KCNC1: variants seen among roughly 807,000 people sequenced by gnomAD.
KCNC1 encodes the protein potassium voltage-gated channel subfamily C member 1.
Under a neutral mutation model 43.4 loss-of-function variants are expected in KCNC1, and 8 were observed. That is an observed-to-expected ratio of 0.18 (90% CI 0.11 to 0.33). KCNC1 has a LOEUF of 0.33. Ranked by LOEUF, KCNC1 falls within the 10% of genes least tolerant of loss-of-function variation. The pLI, the probability that KCNC1 is intolerant of heterozygous loss-of-function variation, is 1.00. For missense variants in KCNC1, 420 were observed against 836.0 expected (o/e 0.50, Z 6.14); for synonymous variants, 361 against 360.5 (o/e 1.00, Z -0.01).
chr11:17,736,104 C>G lies in KCNC1; in HGVS notation c.102C>G (p.Leu34=). 6.2e-7 allele frequency: 1 copy of G among 1,609,690 alleles called. No homozygotes were observed. The highest frequency in any genetic ancestry group is 1.7e-5 in the Admixed American group (1 of 59,852). ...TGCGCACGCTGCCCGGCACGCGGCT[C>G]GCCTGGCTGGCGGAGCCCGACGCCC... ...STLRTLPGTR[L]AWLAEPDAHS... The change falls in exon 1 of 4, where the codon CTC becomes CTG. Residue 34 remains leucine, a synonymous_variant. Transcript: ENST00000265969. This position sits in a 1 kb window ranked among gnomAD's most constrained non-coding sequence, Gnocchi z 9.3.
intron 1 of KCNC1, among the ~76,000 whole-genome samples, chr11:17,746,515 C>T (rs541332025): frequency 1.3e-5 from 2 of 152,250 alleles, no homozygotes; most frequent in African/African-American, 4.8e-5. Flanking sequence ...CTCTCCTTCC[C>T]CATCTCCTTC....
At chr11:17,745,180 A>G (rs1848883516) in intron 1 of KCNC1, among the ~76,000 whole-genome samples, 1 of 152,146 alleles carries the variant, frequency 6.6e-6, no homozygotes, top group African/African-American at 2.4e-5. Context: ...CAGCCTCAGG[A>G]CACAGAGGGC....
In KCNC1 at chr11:17,736,119, G is replaced by T; in HGVS notation, c.117G>T (p.Glu39Asp). ...LPGTRLAWLA[E>D]PDAHSHFDYD... ...GCACGCGGCTCGCCTGGCTGGCGGAGCCCGACGCCCACAGCCACTTCGACT... is the reference window on the plus strand; with the variant it reads ...GCACGCGGCTCGCCTGGCTGGCGGATCCCGACGCCCACAGCCACTTCGACT... Residue 39 changes from glutamate to aspartate, a missense_variant, in exon 1 of 4, where the codon GAG (glutamate) becomes GAT (aspartate). By Grantham distance (45) the Glu-to-Asp change is conservative. Transcript: ENST00000265969. This position sits in a 1 kb window ranked among gnomAD's most constrained non-coding sequence, Gnocchi z 9.3. 5 of 1,610,726 alleles carry T rather than the reference G, an allele frequency of 3.1e-6. No homozygotes were observed. Among genetic ancestry groups the T allele is most frequent in the Non-Finnish European group, 4.2e-6 (5 of 1,178,920 alleles).
intron 2 of KCNC1, chr11:17,772,894 A>G (rs1184042741): frequency 1.6e-6 from 2 of 1,264,100 alleles, no homozygotes; most frequent in African/African-American, 1.5e-5. Context: ...CTAACTTAGC[A>G]GGAGCCAGGG....
At chr11:17,761,644 T>G (rs1849079917) in intron 1 of KCNC1, among the ~76,000 whole-genome samples, 1 of 152,214 alleles carries the variant, frequency 6.6e-6, no homozygotes, top group Admixed American at 6.5e-5. Flanking sequence ...CCAGGCCTCC[T>G]TTCCTTCCAC....
chr11:17,779,722 G>A lies in KCNC1; in HGVS notation c.1693+78G>A. On this transcript the variant is annotated intron_variant, in intron 3 of 3. Coordinates refer to ENST00000265969, the MANE Select transcript of KCNC1 (RefSeq NM_001112741.2). This position sits in a 1 kb window ranked among gnomAD's most constrained non-coding sequence, Gnocchi z 7.2. ...TGCAGATGGGTGGGCAGGGCGGCGG[G>A]CAAGGGCGCTGAGGGGCAGGCAGGC... The A allele has an allele frequency of 8.2e-7, 1 of 1,225,598 alleles. No homozygotes were observed. Among genetic ancestry groups the A allele is most frequent in the Non-Finnish European group, 1.1e-6 (1 of 924,698 alleles). 75.9% of individuals were successfully genotyped at this position (1,225,598 alleles called of 1,614,324 possible).
At chr11:17,738,795 G>A (rs1487132550) in intron 1 of KCNC1, among the ~76,000 whole-genome samples, 1 of 152,216 alleles carries the variant, frequency 6.6e-6, no homozygotes, top group Admixed American at 6.5e-5. Context: ...AAAGCTGGGC[G>A]CCCGGTGGTC....
chr11:17,779,300 T>C lies in KCNC1; in HGVS notation c.1505-156T>C, dbSNP rs1409312068. 1 of 567,102 alleles carries C rather than the reference T, an allele frequency of 1.8e-6. No homozygotes were observed. The highest frequency in any genetic ancestry group is 3.5e-5 in the Admixed American group (1 of 28,598). The allele number at this position is 567,102 out of a possible 1,614,324, so 35.1% of individuals were successfully genotyped here. Reference sequence around the variant, plus strand: ...GAGCTGAACCCCCCACCAAGCCCCCTGCCTTGTGCCCTCCTCGCTCCACAG... The same window carrying C: ...GAGCTGAACCCCCCACCAAGCCCCCCGCCTTGTGCCCTCCTCGCTCCACAG... On this transcript the variant is annotated intron_variant, in intron 2 of 3. Coordinates refer to ENST00000265969, the MANE Select transcript of KCNC1 (RefSeq NM_001112741.2). The surrounding 1 kb of genome is among the most constrained non-coding windows in gnomAD (Gnocchi z 7.2).
chr11:17,762,997 C>CA (rs919177746), intron 1 of KCNC1, among the ~76,000 whole-genome samples: 1 of 149,896 alleles, frequency 6.7e-6, no homozygotes, highest in Non-Finnish European at 1.5e-5. Context: ...TTTCAACTTC[C>CA]AAAAAAAAGA....
chr11:17,742,864 A>G lies in KCNC1; in HGVS notation c.570+6292A>G, dbSNP rs775089594. Among the ~76,000 whole-genome samples the G allele has an allele frequency of 6.6e-6, 1 of 152,084 alleles. No individual in the cohort carries two copies. The highest frequency in any genetic ancestry group is 1.5e-5 in the Non-Finnish European group (1 of 68,018). ...GGCTCTCAGTTTTACAAGAACACCA[A>G]ACCCCACCTGGGCGTGCTGTTCTTC... On this transcript the variant is annotated intron_variant, in intron 1 of 3. Transcript: ENST00000265969. The surrounding 1 kb of genome is among the most constrained non-coding windows in gnomAD (Gnocchi z 4.2).
At chr11:17,768,019 T>A (rs1849173947) in intron 1 of KCNC1, among the ~76,000 whole-genome samples, 2 of 152,124 alleles carry the variant, frequency 1.3e-5, no homozygotes, top group African/African-American at 4.8e-5. Flanking sequence ...GGCTGTGGGG[T>A]TGCCTGGGAG....
rs930825099 is a variant in KCNC1 at position 17,777,078 on chromosome 11, G to A, written c.1505-2378G>A. The A allele has an allele frequency of 1.0e-6, 1 of 985,242 alleles. No homozygotes were observed. Among genetic ancestry groups the A allele is most frequent in the African/African-American group, 1.7e-5 (1 of 57,296 alleles). The allele number at this position is 985,242 out of a possible 1,614,324, so 61.0% of individuals were successfully genotyped here. On this transcript the variant is annotated intron_variant, in intron 2 of 3. Transcript: ENST00000265969. The surrounding 1 kb of genome is among the most constrained non-coding windows in gnomAD (Gnocchi z 4.3). ...CAGGGATCCCTGATGGATGTTCCTT[G>A]TCCCCTGCCCAAAACCATCCCGAAC...
Position 17,736,673 on chromosome 11 carries a change from C to G in KCNC1, c.570+101C>G. On this transcript the variant is annotated intron_variant, in intron 1 of 3. Transcript: ENST00000265969. The surrounding 1 kb of genome is among the most constrained non-coding windows in gnomAD (Gnocchi z 9.3). ...CCGGAGAACTGGCGCCTAGGGAGTT[C>G]AGAATCGAAAGGGGGTGTGTGCGCA... The G allele has an allele frequency of 7.0e-7, 1 of 1,435,804 alleles. No homozygotes were observed. The highest frequency in any genetic ancestry group is 9.1e-7 in the Non-Finnish European group (1 of 1,100,570). The allele number at this position is 1,435,804 out of a possible 1,614,324, so 88.9% of individuals were successfully genotyped here.
rs896035171 is a variant in KCNC1 at position 17,779,333 on chromosome 11, G to A, written c.1505-123G>A. On this transcript the variant is annotated intron_variant, in intron 2 of 3. Transcript: ENST00000265969. This position sits in a 1 kb window ranked among gnomAD's most constrained non-coding sequence, Gnocchi z 7.2. ...GCCCTCCTCGCTCCACAGCCTGCCC[G>A]CTTTTCCGTCCTCAGGGACGCTCAA... The A allele has an allele frequency of 5.3e-6, 4 of 749,546 alleles. 1 individual carries two copies. Among genetic ancestry groups the A allele is most frequent in the Non-Finnish European group, 8.0e-6 (4 of 499,222 alleles). 46.4% of individuals were successfully genotyped at this position (749,546 alleles called of 1,614,324 possible).
chr11:17,737,248 C>T (rs1302528802), intron 1 of KCNC1, among the ~76,000 whole-genome samples: 2 of 152,136 alleles, frequency 1.3e-5, no homozygotes, highest in Non-Finnish European at 2.9e-5. Flanking sequence ...GCCCCCGATC[C>T]TGAGATCACA....
chr11:17,768,616 G>GT (rs942994836), intron 1 of KCNC1, among the ~76,000 whole-genome samples: 52 of 151,046 alleles, frequency 3.4e-4, no homozygotes, highest in African/African-American at 9.8e-4. Context: ...TGTTGGTGGG[G>GT]GGGGGGGCGG....
chr11:17,779,746 G>C lies in KCNC1; in HGVS notation c.1693+102G>C. 1 of 948,888 alleles carries C rather than the reference G, an allele frequency of 1.1e-6. No homozygotes were observed. Among genetic ancestry groups the C allele is most frequent in the Non-Finnish European group, 1.5e-6 (1 of 679,604 alleles). The allele number at this position is 948,888 out of a possible 1,614,324, so 58.8% of individuals were successfully genotyped here. On this transcript the variant is annotated intron_variant, in intron 3 of 3. Transcript: ENST00000265969. This position sits in a 1 kb window ranked among gnomAD's most constrained non-coding sequence, Gnocchi z 7.2. Reference sequence around the variant, plus strand: ...GGCAAGGGCGCTGAGGGGCAGGCAGGCACACCGAGGGGGGCAAGGATGGAG... The same window carrying C: ...GGCAAGGGCGCTGAGGGGCAGGCAGCCACACCGAGGGGGGCAAGGATGGAG...
At position 17,772,171 on chromosome 11, in the gene KCNC1, C is replaced by T. The variant is rs551647578; in HGVS notation, c.1077C>T (p.Phe359=). 1.6e-5 allele frequency: 26 copies of T among 1,614,116 alleles called. 1 individual carries two copies. The highest frequency in any genetic ancestry group is 5.5e-5 in the South Asian group (5 of 91,090). The change falls in exon 2 of 4, where the codon TTC becomes TTT. Residue 359 remains phenylalanine, a synonymous_variant. Transcript: ENST00000265969. The part of the protein sequence containing the change: ...IIFLALGVLI[F]ATMIYYAERI... ...TCCTGGCCTTGGGCGTGCTGATCTT[C>T]GCCACCATGATCTACTACGCCGAGA... is the stretch of plus-strand genomic sequence containing the variant.
intron 1 of KCNC1, among the ~76,000 whole-genome samples, chr11:17,769,778 A>G (rs926780716): frequency 1.3e-5 from 2 of 152,208 alleles, no homozygotes; most frequent in African/African-American, 4.8e-5. Flanking sequence ...TATGGACCAC[A>G]CTTGATAGTG....
Sources: allele counts gnomAD v4.1 joint callset (sites outside exome capture counted in the v4.1 genomes callset), GRCh38; gene constraint gnomAD v4.1.1; non-coding constraint Gnocchi (gnomAD v3.1); transcripts MANE v1.5; gene names NCBI Gene and HGNC (gene_info 2026-07-23, HGNC 2026-07-21).